The following CCDC7 variants were observed in gnomAD, a reference collection of about 807,000 sequenced individuals.
CCDC7 encodes coiled-coil domain containing 7, also known as coiled-coil domain-containing protein 7.
Under a neutral mutation model 196.9 loss-of-function variants are expected in CCDC7, and 183 were observed. That is an observed-to-expected ratio of 0.93 (90% CI 0.82 to 1.05). CCDC7 has a LOEUF of 1.05. Among genes scored for constraint, CCDC7 ranks in the 50% least tolerant of loss-of-function variants. The probability of loss-of-function intolerance (pLI) is 0.00; values close to 1 mark genes in which losing one functional copy is unlikely to be tolerated. For missense variants in CCDC7, 1,540 were observed against 1,482.2 expected (o/e 1.04, Z -0.64); for synonymous variants, 525 against 484.6 (o/e 1.08, Z -1.10).
chr10:32,848,423 G>T (rs34615916), intron 38 of CCDC7, among the ~76,000 whole-genome samples, 173 bp from the exon 40 acceptor site: 44 of 152,076 alleles, frequency 2.9e-4, no homozygotes, highest in Non-Finnish European at 5.6e-4. Context: ...AGACAAGAAA[G>T]AGAAAATGAT....
intron 11 of CCDC7, among the ~76,000 whole-genome samples, chr10:32,520,665 G>A (rs1370671586): frequency 1.3e-5 from 2 of 151,800 alleles, no homozygotes; most frequent in African/African-American, 4.8e-5. Flanking sequence ...TTCTCATTTT[G>A]TGGGTTGTCT....
At chr10:32,518,786 A>T (rs945150451) in intron 11 of CCDC7, among the ~76,000 whole-genome samples, 2 of 152,114 alleles carry the variant, frequency 1.3e-5, no homozygotes, top group African/African-American at 4.8e-5. Flanking sequence ...TTAGTTTTCA[A>T]ATATATTGTA....
chr10:32,599,598 G>A (rs1435983645), intron 18 of CCDC7, among the ~76,000 whole-genome samples: 2 of 150,634 alleles, frequency 1.3e-5, no homozygotes, highest in Non-Finnish European at 3.0e-5. Context: ...TAGATTTTTT[G>A]TGGTTAATAT....
At chr10:32,595,963 C>A (rs2060297381) in intron 18 of CCDC7, among the ~76,000 whole-genome samples, 1 of 152,058 alleles carries the variant, frequency 6.6e-6, no homozygotes, top group South Asian at 2.1e-4. Flanking sequence ...TTACTTCCAA[C>A]TATGTGGTCA....
intron 41 of CCDC7, among the ~76,000 whole-genome samples, chr10:32,861,466 A>C (rs2136492588): frequency 6.6e-6 from 1 of 152,328 alleles, no homozygotes; most frequent in African/African-American, 2.4e-5. Flanking sequence ...AACCATAAAA[A>C]CCCTAGAAGA....
intron 23 of CCDC7, among the ~76,000 whole-genome samples, chr10:32,693,083 A>G (rs1311788745): frequency 1.3e-5 from 2 of 152,212 alleles, no homozygotes; most frequent in Admixed American, 6.5e-5. Context: ...CTCATGTCCA[A>G]TAGTGAGGGT....
At chr10:32,665,624 A>G (rs1040129151) in intron 21 of CCDC7, among the ~76,000 whole-genome samples, 2 of 152,024 alleles carry the variant, frequency 1.3e-5, no homozygotes, top group Non-Finnish European at 2.9e-5. Context: ...CTGTAGCTAA[A>G]TAATATGTTT....
rs570279539 is a variant in CCDC7, at chr10:32,615,317, C to T, written c.1802-18937C>T. Among the ~76,000 whole-genome samples the T allele has an allele frequency of 5.0e-4, 76 of 152,232 alleles. 1 individual carries two copies. The highest frequency in any genetic ancestry group is 1.5e-4 in the Non-Finnish European group (10 of 67,990). On this transcript the variant is annotated intron_variant, in intron 18 of 41. Transcript: ENST00000639629. ...CCAACAGTGTATAGTGTTCCCTTTT[C>T]TCTGCATCCTTGCCAACATCTGTTG...
intron 20 of CCDC7, among the ~76,000 whole-genome samples, chr10:32,656,471 C>A (rs1406051277): frequency 6.6e-6 from 1 of 152,140 alleles, no homozygotes; most frequent in Non-Finnish European, 1.5e-5. Flanking sequence ...ACAATCATGG[C>A]AGAAGGGGAA....
chr10:32,722,041 A>T (rs529318806), intron 25 of CCDC7, among the ~76,000 whole-genome samples: 7 of 152,132 alleles, frequency 4.6e-5, no homozygotes, highest in Non-Finnish European at 1.0e-4. Flanking sequence ...CCATGGGGTT[A>T]TTGGATGGAA....
At chr10:32,743,446 TGCC>T (rs2074130894) in intron 28 of CCDC7, among the ~76,000 whole-genome samples, 1 of 152,230 alleles carries the variant, frequency 6.6e-6, no homozygotes, top group Non-Finnish European at 1.5e-5. Flanking sequence ...TTGCTGCCAT[TGCC>T]TTTGGTGTTT....
chr10:32,872,265 A>G (rs939626210), intron 41 of CCDC7, among the ~76,000 whole-genome samples: 1 of 151,882 alleles, frequency 6.6e-6, no homozygotes, highest in South Asian at 2.1e-4. Context: ...GTCTCTAAGG[A>G]CTTGCTTCCT....
intron 29 of CCDC7, among the ~76,000 whole-genome samples, chr10:32,787,308 A>T (rs1258782227): frequency 6.6e-6 from 1 of 151,974 alleles, no homozygotes; most frequent in Non-Finnish European, 1.5e-5. Flanking sequence ...ATGGAATGAC[A>T]TCAGCAAGAT....
At chr10:32,471,268 TAAGA>T in intron 6 of CCDC7, 38 bp downstream of exon 7, 12 of 1,590,214 alleles carry the variant, frequency 7.5e-6, no homozygotes, top group Non-Finnish European at 1.0e-5. Context: ...TTAAAAACAG[TAAGA>T]AAGGGTATAT....
intron 18 of CCDC7, among the ~76,000 whole-genome samples, chr10:32,607,838 A>G (rs1236497208): frequency 1.3e-5 from 2 of 152,198 alleles, no homozygotes; most frequent in African/African-American, 4.8e-5. Flanking sequence ...AAAGTGAATT[A>G]GGAAGAATTT....
At chr10:32,539,936 G>T (rs2136076994) in intron 11 of CCDC7, among the ~76,000 whole-genome samples, 1 of 152,058 alleles carries the variant, frequency 6.6e-6, no homozygotes, top group East Asian at 1.9e-4. Flanking sequence ...TTGCCAGTTA[G>T]ATTTTTTGGA....
chr10:32,653,307 A>G (rs1202727543), intron 20 of CCDC7, among the ~76,000 whole-genome samples: 1 of 152,092 alleles, frequency 6.6e-6, no homozygotes, highest in East Asian at 1.9e-4. Context: ...CAAGGACCAC[A>G]GAGTTCTAAC....
intron 25 of CCDC7, among the ~76,000 whole-genome samples, chr10:32,717,764 C>T (rs1591993923): frequency 6.6e-6 from 1 of 152,000 alleles, no homozygotes; most frequent in Admixed American, 6.6e-5. Flanking sequence ...TGAAAATAAA[C>T]TAGAAAATCT....
chr10:32,684,904 C>A (rs111474909), intron 21 of CCDC7, among the ~76,000 whole-genome samples: 52 of 152,052 alleles, frequency 3.4e-4, no homozygotes, highest in African/African-American at 1.2e-3. Context: ...TTAATAGGTT[C>A]ACTAAGTTTG....
Sources: gnomAD v4.1 joint callset for allele counts (sites outside exome capture counted in the v4.1 genomes callset) on GRCh38, gnomAD v4.1.1 for gene constraint, MANE v1.5 for transcripts, NCBI Gene and HGNC (gene_info 2026-07-23, HGNC 2026-07-21) for gene names.